The following FGF2 variants were observed in gnomAD, a reference collection of about 807,000 sequenced individuals.
FGF2 encodes basic fibroblast growth factor bFGF.
FGF2 carries 13 observed loss-of-function variants against 15.9 expected under a neutral mutation model. The observed-to-expected ratio is 0.82, with a 90% CI of 0.53 to 1.30. The LOEUF is 1.30. Ranked by LOEUF, FGF2 falls within the 50% of genes most tolerant of loss-of-function variation. The pLI is 0.00. For synonymous variants in FGF2, 90 were observed against 78.4 expected (o/e 1.15, Z -0.78); for missense variants, 163 against 196.9 (o/e 0.83, Z 1.03).
intron 1 of FGF2, among the ~76,000 whole-genome samples, chr4:122,872,561 G>C (rs910727180): frequency 6.6e-6 from 1 of 151,634 alleles, no homozygotes; most frequent in Non-Finnish European, 1.5e-5. Flanking sequence ...TCAACCCCAA[G>C]ACACATAATC....
At chr4:122,860,183 A>G (rs971110196) in intron 1 of FGF2, among the ~76,000 whole-genome samples, 2 of 152,124 alleles carry the variant, frequency 1.3e-5, no homozygotes, top group Non-Finnish European at 1.5e-5. Context: ...TTTCTCCATA[A>G]AAGTCCTAGA....
rs760850966 is a variant in FGF2 at position 122,844,571 on chromosome 4, T to TTTTC, written c.178+17234_178+17237dup. ...TTTCTTTCTCTTTTTCTTTCTTTCT[T>TTTTC]TTTCTTTCTTTCTTTCTTCCTTCCT... On this transcript the variant is annotated intron_variant, in intron 1 of 2. Coordinates refer to ENST00000644866, the MANE Select transcript of FGF2 (RefSeq NM_001361665.2). 1.7e-3 allele frequency among the ~76,000 whole-genome samples: 214 copies of TTTTC among 128,418 alleles called. 2 individuals carry two copies. Among genetic ancestry groups the TTTTC allele is most frequent in the South Asian group, 1.5e-3 (6 of 4,042 alleles). 84.2% of individuals were successfully genotyped at this position (128,418 alleles called of 152,430 possible). A position where few individuals can be genotyped will look rare whatever the true frequency, so the allele number is the denominator to read the frequency against.
At position 122,876,441 on chromosome 4, in the gene FGF2, T is replaced by G. The variant is rs1481903893; in HGVS notation, c.282+17T>G. 11 of 1,465,586 alleles carry G rather than the reference T, an allele frequency of 7.5e-6. No homozygotes were observed. Among genetic ancestry groups the G allele is most frequent in the Non-Finnish European group, 1.1e-5 (11 of 1,044,522 alleles). The allele number at this position is 1,465,586 out of a possible 1,614,324, so 90.8% of individuals were successfully genotyped here. On this transcript the variant is annotated intron_variant, in intron 2 of 2. Coordinates refer to ENST00000644866, the MANE Select transcript of FGF2 (RefSeq NM_001361665.2). ...CTGGCTTCTGTAAGCATACTTTCTGTTTTCACACGTTTTTTGTTAGCTTTT... is the reference window on the plus strand; with the variant it reads ...CTGGCTTCTGTAAGCATACTTTCTGGTTTCACACGTTTTTTGTTAGCTTTT...
chr4:122,851,156 TG>T (rs1726224207), intron 1 of FGF2, among the ~76,000 whole-genome samples: 1 of 152,018 alleles, frequency 6.6e-6, no homozygotes, highest in Non-Finnish European at 1.5e-5. Context: ...GATAACAGAG[TG>T]GCATGCTTCA....
chr4:122,849,688 T>A (rs980643377), intron 1 of FGF2, among the ~76,000 whole-genome samples: 3 of 152,178 alleles, frequency 2.0e-5, no homozygotes, highest in African/African-American at 7.2e-5. Context: ...TATAGGAACA[T>A]TGAGGGACTT....
At chr4:122,836,762 A>C (rs1725875305) in intron 1 of FGF2, among the ~76,000 whole-genome samples, 1 of 152,238 alleles carries the variant, frequency 6.6e-6, no homozygotes, top group South Asian at 2.1e-4. Flanking sequence ...TAAAATGGTA[A>C]ATTGAATGCA....
chr4:122,839,416 T>G (rs1725931173), intron 1 of FGF2, among the ~76,000 whole-genome samples: 2 of 152,176 alleles, frequency 1.3e-5, no homozygotes, highest in Non-Finnish European at 2.9e-5. Flanking sequence ...TGGGTTTAAT[T>G]TTCTTCATTG....
chr4:122,895,923 C>G lies in FGF2; in HGVS notation c.*3527C>G, dbSNP rs533484365. 6.6e-6 allele frequency: 1 copy of G among 152,464 alleles called. No homozygotes were observed. The highest frequency in any genetic ancestry group is 2.1e-4 in the South Asian group (1 of 4,834). The allele number at this position is 152,464 out of a possible 1,614,324, so 9.4% of individuals were successfully genotyped here. A position where few individuals can be genotyped will look rare whatever the true frequency, so the allele number is the denominator to read the frequency against. On this transcript the variant is annotated 3_prime_UTR_variant, in exon 3 of 3. Transcript: ENST00000644866. ...TAATTTCAGTAATTCTTAGATGATT[C>G]AGCTTCATCATTAAGAATATCTTTT...
chr4:122,834,767 G>A (rs977608740), intron 1 of FGF2, among the ~76,000 whole-genome samples: 2 of 152,180 alleles, frequency 1.3e-5, no homozygotes, highest in African/African-American at 4.8e-5. Context: ...TAGTTTAAAG[G>A]ATAATAAGCC....
In FGF2 at chr4:122,827,641, C is replaced by G. The variant is rs1297200917; in HGVS notation, c.178+289C>G. Among the ~76,000 whole-genome samples the G allele has an allele frequency of 4.6e-5, 7 of 152,176 alleles. No individual in the cohort carries two copies. Among genetic ancestry groups the G allele is most frequent in the Non-Finnish European group, 7.3e-5 (5 of 68,032 alleles). On this transcript the variant is annotated intron_variant, in intron 1 of 2. Coordinates refer to ENST00000644866, the MANE Select transcript of FGF2 (RefSeq NM_001361665.2). The surrounding 1 kb of genome is among the most constrained non-coding windows in gnomAD (Gnocchi z 4.2). ...CGCCGGGGCCTCGCGGACTGGCTGTCTTCCCGCGGACAACCTGTCGCGTCG... is the reference window on the plus strand; with the variant it reads ...CGCCGGGGCCTCGCGGACTGGCTGTGTTCCCGCGGACAACCTGTCGCGTCG...
At position 122,874,120 on chromosome 4, in the gene FGF2, C is replaced by G. The variant is rs10034983; in HGVS notation, c.179-2201C>G. Among the ~76,000 whole-genome samples, 270 of 152,276 alleles carry G rather than the reference C, an allele frequency of 1.8e-3. 1 individual carries two copies. The highest frequency in any genetic ancestry group is 6.2e-3 in the African/African-American group (256 of 41,548). ...TATAGCGATTGATTATTCAGCCTTGCCTCATGGGCATTTGTACATCCTTAT... is the reference window on the plus strand; with the variant it reads ...TATAGCGATTGATTATTCAGCCTTGGCTCATGGGCATTTGTACATCCTTAT... On this transcript the variant is annotated intron_variant, in intron 1 of 2. Transcript: ENST00000644866.
At chr4:122,875,279 AAT>A (rs1231759654) in intron 1 of FGF2, among the ~76,000 whole-genome samples, 1 of 151,998 alleles carries the variant, frequency 6.6e-6, no homozygotes, top group Admixed American at 6.6e-5. Flanking sequence ...TAATCTGCTT[AAT>A]ATTGATAATG....
chr4:122,876,946 A>T (rs1407291604), intron 2 of FGF2, among the ~76,000 whole-genome samples: 2 of 152,182 alleles, frequency 1.3e-5, no homozygotes, highest in Non-Finnish European at 2.9e-5. Flanking sequence ...TCTTACCTGT[A>T]AAATAGAAAC....
intron 1 of FGF2, among the ~76,000 whole-genome samples, chr4:122,860,383 A>G (rs1200460539): frequency 2.0e-5 from 3 of 151,844 alleles, no homozygotes; most frequent in Non-Finnish European, 4.4e-5. Flanking sequence ...TTAGATCTAC[A>G]GAAGATTTAC....
chr4:122,862,945 G>A (rs192754301), intron 1 of FGF2, among the ~76,000 whole-genome samples: 6 of 152,192 alleles, frequency 3.9e-5, no homozygotes, highest in East Asian at 3.9e-4. Flanking sequence ...AGTCATCTCC[G>A]GCTTGTTAAA....
chr4:122,866,635 A>T (rs1045069171), intron 1 of FGF2, among the ~76,000 whole-genome samples: 3 of 152,234 alleles, frequency 2.0e-5, no homozygotes, highest in Non-Finnish European at 4.4e-5. Flanking sequence ...ACAGTGAGAT[A>T]TTACTTCACA....
chr4:122,853,289 T>A lies in FGF2; in HGVS notation c.179-23032T>A, dbSNP rs28666404. Among the ~76,000 whole-genome samples, 267 of 152,256 alleles carry A rather than the reference T, an allele frequency of 1.8e-3. 1 individual carries two copies. Among genetic ancestry groups the A allele is most frequent in the African/African-American group, 6.1e-3 (254 of 41,544 alleles). ...CTCCAGCCTGCATGACAGAGTGAGA[T>A]CCTGTCTCAAAAATAAAATAAAGTG... On this transcript the variant is annotated intron_variant, in intron 1 of 2. Transcript: ENST00000644866.
intron 1 of FGF2, among the ~76,000 whole-genome samples, chr4:122,840,098 T>C (rs79995549): frequency 2.0e-5 from 3 of 152,138 alleles, no homozygotes; most frequent in Non-Finnish European, 4.4e-5. Flanking sequence ...CATTTTAACG[T>C]AATCACATCT....
intron 1 of FGF2, among the ~76,000 whole-genome samples, chr4:122,864,490 A>C (rs1470536772): frequency 5.9e-5 from 9 of 152,218 alleles, no homozygotes; most frequent in Non-Finnish European, 1.3e-4. Flanking sequence ...TGAAGGCATA[A>C]AATATCCAGC....
Sources: allele counts gnomAD v4.1 joint callset (sites outside exome capture counted in the v4.1 genomes callset), GRCh38; gene constraint gnomAD v4.1.1; non-coding constraint Gnocchi (gnomAD v3.1); transcripts MANE v1.5; gene names NCBI Gene and HGNC (gene_info 2026-07-23, HGNC 2026-07-21).